SAMSN1: variants seen among roughly 807,000 people sequenced by gnomAD.
SAMSN1 encodes the protein SAM domain, SH3 domain and nuclear localization signals 1.
In SAMSN1, 31 loss-of-function variants were observed where a neutral mutation model predicts 42.0. The ratio of observed to expected loss-of-function variants is 0.74; its 90% CI spans 0.55 to 1.00. The LOEUF (loss-of-function observed/expected upper bound fraction) is 1.00, where lower values mean the gene tolerates loss of function less well. Ranked by LOEUF, SAMSN1 falls within the 50% of genes least tolerant of loss-of-function variation. The pLI is 0.00. For synonymous variants in SAMSN1, 178 were observed against 151.9 expected (o/e 1.17, Z -1.26); for missense variants, 464 against 439.4 (o/e 1.06, Z -0.50).
At chr21:14,603,078 T>C (rs571718209) in intron 5 of SAMSN1, among the ~76,000 whole-genome samples, 1 of 152,316 alleles carries the variant, frequency 6.6e-6, no homozygotes, top group East Asian at 1.9e-4. Flanking sequence ...AGCTGATTTT[T>C]TGATCTGGTT....
chr21:14,605,526 T>A (rs745681579), intron 5 of SAMSN1, among the ~76,000 whole-genome samples: 33 of 152,232 alleles, frequency 2.2e-4, no homozygotes, highest in South Asian at 6.2e-4. Flanking sequence ...AATATATTTG[T>A]GAATTTATAC....
chr21:14,593,378 T>C (rs902390365), intron 7 of SAMSN1, among the ~76,000 whole-genome samples: 1 of 152,108 alleles, frequency 6.6e-6, no homozygotes, highest in Non-Finnish European at 1.5e-5. Flanking sequence ...ATATCAATAA[T>C]GCTATAATAC....
intron 6 of SAMSN1, among the ~76,000 whole-genome samples, 173 bp from the exon 7 acceptor site, chr21:14,498,765 T>A (rs535780097): frequency 6.6e-6 from 1 of 152,348 alleles, no homozygotes; most frequent in East Asian, 1.9e-4. Context: ...GGCTCTTAAA[T>A]GATTATGTTG....
At chr21:14,539,968 G>C (rs1002120057) in intron 1 of SAMSN1, among the ~76,000 whole-genome samples, 20 of 152,154 alleles carry the variant, frequency 1.3e-4, no homozygotes, top group Non-Finnish European at 2.1e-4. Flanking sequence ...GAACAGAACA[G>C]AGCCCTCAGA....
At chr21:14,491,295 A>G (rs1486176760) in intron 7 of SAMSN1, among the ~76,000 whole-genome samples, 2 of 151,688 alleles carry the variant, frequency 1.3e-5, no homozygotes, top group East Asian at 3.9e-4. Context: ...AGAGAGAGAA[A>G]TAGGGTCTGG....
At chr21:14,512,217 C>G (rs942657291) in intron 4 of SAMSN1, among the ~76,000 whole-genome samples, 1 of 152,076 alleles carries the variant, frequency 6.6e-6, no homozygotes, top group Non-Finnish European at 1.5e-5. Context: ...TCCCGAGGAG[C>G]CCCGTTGACT....
chr21:14,655,850 A>G (rs1236474799), intron 1 of SAMSN1, among the ~76,000 whole-genome samples: 1 of 151,840 alleles, frequency 6.6e-6, no homozygotes, highest in Non-Finnish European at 1.5e-5. Context: ...AGAAAATCTG[A>G]GAAAACCACA....
intron 2 of SAMSN1, among the ~76,000 whole-genome samples, chr21:14,575,375 T>C (rs1981426849): frequency 1.3e-5 from 2 of 152,188 alleles, no homozygotes; most frequent in Admixed American, 1.3e-4. Flanking sequence ...TAGCACAGAC[T>C]GTAGTGAGTA....
chr21:14,636,853 G>A (rs1000456422), intron 2 of SAMSN1, among the ~76,000 whole-genome samples: 1 of 151,956 alleles, frequency 6.6e-6, no homozygotes, highest in African/African-American at 2.4e-5. Context: ...GACAGAGCGA[G>A]ATTCCGTCTC....
chr21:14,515,678 C>G (rs904958314), intron 3 of SAMSN1, among the ~76,000 whole-genome samples: 1 of 152,038 alleles, frequency 6.6e-6, no homozygotes, highest in Non-Finnish European at 1.5e-5. Context: ...CTACAAACAA[C>G]ACCATCAAGA....
intron 4 of SAMSN1, among the ~76,000 whole-genome samples, chr21:14,511,757 A>G (rs952631799): frequency 3.3e-5 from 5 of 152,226 alleles, no homozygotes; most frequent in Non-Finnish European, 7.3e-5. Flanking sequence ...TGGAAATTTG[A>G]CTAAATCCTG....
At chr21:14,508,276 CAGG>C (rs1987511382) in intron 5 of SAMSN1, among the ~76,000 whole-genome samples, 2 of 152,122 alleles carry the variant, frequency 1.3e-5, no homozygotes, top group African/African-American at 4.8e-5. Context: ...AGACAACCCA[CAGG>C]GTGGGAAAAA....
At chr21:14,592,776 G>A (rs1458567268) in intron 7 of SAMSN1, 1 of 209,640 alleles carries the variant, frequency 4.8e-6, no homozygotes, top group Non-Finnish European at 1.1e-5. Context: ...GAATTAAGTG[G>A]CCTAAGAGCA....
chr21:14,497,565 C>T lies in SAMSN1; in HGVS notation c.919+877G>A, dbSNP rs9981560. 6.3e-3 allele frequency among the ~76,000 whole-genome samples: 965 copies of T among 152,196 alleles called. 5 individuals carry two copies. Among genetic ancestry groups the T allele is most frequent in the African/African-American group, 0.022 (898 of 41,528 alleles). On this transcript the variant is annotated intron_variant, in intron 7 of 7. Transcript: ENST00000400566. Reference sequence around the variant, plus strand: ...CGAGATCGCACCGCTGCGCTCCACCCGGGACAGCAGATTTAGACACCATCT... The same window carrying T: ...CGAGATCGCACCGCTGCGCTCCACCTGGGACAGCAGATTTAGACACCATCT...
rs147838514 is a variant in SAMSN1 at position 14,609,768 on chromosome 21, T to C, written c.236-200A>G. Among the ~76,000 whole-genome samples the C allele has an allele frequency of 4.2e-3, 634 of 152,318 alleles. 7 individuals carry two copies. The highest frequency in any genetic ancestry group is 0.014 in the African/African-American group (581 of 41,564). On this transcript the variant is annotated intron_variant, in intron 4 of 15. Coordinates refer to the SAMSN1 transcript ENST00000647101. ...CGGCTGAAGCCATGGCAGAAGAACA[T>C]AAATTGTGAAGATTTCATGGACATT...
At chr21:14,581,338 A>ATTTTTTTTTTTTTTTTT in intron 2 of SAMSN1, among the ~76,000 whole-genome samples, 1 of 41,522 alleles carries the variant, frequency 2.4e-5, no homozygotes, top group South Asian at 6.9e-4. Flanking sequence ...AGGGGAAATA[A>ATTTTTTTTTTTTTTTTT]TATTTCTTTT....
chr21:14,643,260 G>GT, intron 1 of SAMSN1: 1 of 578,360 alleles, frequency 1.7e-6, no homozygotes, highest in Non-Finnish European at 3.1e-6. Flanking sequence ...GGGATTAAGA[G>GT]TTTACAGTAT....
intron 2 of SAMSN1, among the ~76,000 whole-genome samples, chr21:14,580,592 A>T (rs1027451837): frequency 1.3e-5 from 2 of 152,238 alleles, no homozygotes; most frequent in Non-Finnish European, 2.9e-5. Context: ...AAGAAGGAGG[A>T]TATTTAGAAA....
intron 1 of SAMSN1, among the ~76,000 whole-genome samples, chr21:14,527,000 G>A (rs557669834): frequency 6.6e-6 from 1 of 152,270 alleles, no homozygotes; most frequent in East Asian, 1.9e-4. Flanking sequence ...GTAAGGTGCT[G>A]GTGGAAAAGT....
Sources: allele counts gnomAD v4.1 joint callset (sites outside exome capture counted in the v4.1 genomes callset), GRCh38; gene constraint gnomAD v4.1.1; transcripts MANE v1.5; gene names NCBI Gene and HGNC (gene_info 2026-07-23, HGNC 2026-07-21).